APBA2: variants seen among roughly 807,000 people sequenced by gnomAD.
APBA2 encodes the protein amyloid beta precursor protein binding family A member 2, also known as amyloid-beta A4 precursor protein-binding family A member 2.
Under a neutral mutation model 75.0 loss-of-function variants are expected in APBA2, and 30 were observed. The ratio of observed to expected loss-of-function variants is 0.40; its 90% CI spans 0.30 to 0.54. The LOEUF (loss-of-function observed/expected upper bound fraction) is 0.54. Among genes scored for constraint, APBA2 ranks in the 20% least tolerant of loss-of-function variants. The probability of loss-of-function intolerance (pLI) is 0.49; values close to 1 mark genes in which losing one functional copy is unlikely to be tolerated. For missense variants in APBA2, 801 were observed against 1,016.1 expected (o/e 0.79, Z 2.88); for synonymous variants, 444 against 409.6 (o/e 1.08, Z -1.01).
At chr15:29,025,958 A>G (rs2040201382) in intron 3 of APBA2, among the ~76,000 whole-genome samples, 1 of 151,674 alleles carries the variant, frequency 6.6e-6, no homozygotes, top group South Asian at 2.1e-4. Flanking sequence ...CTCAAAAAAA[A>G]AAAAAAAGAA....
At chr15:28,998,902 T>G (rs2038691127) in intron 3 of APBA2, among the ~76,000 whole-genome samples, 1 of 152,252 alleles carries the variant, frequency 6.6e-6, no homozygotes, top group African/African-American at 2.4e-5. Flanking sequence ...ATCCCAGCAT[T>G]TTGGGAGGCC....
intron 3 of APBA2, among the ~76,000 whole-genome samples, chr15:29,033,647 C>T (rs1398170428): frequency 6.6e-6 from 1 of 152,058 alleles, no homozygotes; most frequent in Non-Finnish European, 1.5e-5. Context: ...CAAAAATTTA[C>T]AACCCAGAAC....
At chr15:28,926,690 G>A (rs1048150994) in intron 2 of APBA2, among the ~76,000 whole-genome samples, 1 of 151,724 alleles carries the variant, frequency 6.6e-6, no homozygotes, top group South Asian at 2.1e-4. Flanking sequence ...ATCTTTTAAC[G>A]TTTATTTCAG....
intron 4 of APBA2, among the ~76,000 whole-genome samples, chr15:29,056,636 C>CTCT (rs2041912273): frequency 2.1e-5 from 2 of 96,298 alleles, no homozygotes; most frequent in African/African-American, 1.0e-4. Context: ...CTCCCTCCCT[C>CTCT]CTCTCTCTCT....
chr15:28,983,479 T>G (rs2037732231), intron 2 of APBA2, among the ~76,000 whole-genome samples: 1 of 152,204 alleles, frequency 6.6e-6, no homozygotes, highest in Non-Finnish European at 1.5e-5. Context: ...TGCCAATACA[T>G]TATTTTCTAG....
intron 6 of APBA2, among the ~76,000 whole-genome samples, chr15:29,089,083 C>T (rs932826637): frequency 7.2e-5 from 11 of 152,208 alleles, no homozygotes; most frequent in Non-Finnish European, 1.0e-4. Flanking sequence ...CATAGCCTCC[C>T]TTTTGAGCAT....
At position 29,074,932 on chromosome 15, in the gene APBA2, T is replaced by C; in HGVS notation, c.963T>C (p.Gly321=). Residue 321 remains glycine, a synonymous_variant, in exon 5 of 15, where the codon GGT becomes GGC. Coordinates refer to ENST00000683413, the MANE Select transcript of APBA2 (RefSeq NM_001353788.2). The stretch of plus-strand genomic sequence containing the variant: ...TTCCCCGTTTCCAGGTTTGCAATGG[T>C]CTGGAGCAGCCAAGGAAGCAGCAGC... ...LKWPHEQVCN[G]LEQPRKQQRS... is the part of the protein sequence containing the mutation. 1 of 1,614,142 alleles carries C rather than the reference T, an allele frequency of 6.2e-7. No homozygotes were observed. Among genetic ancestry groups the C allele is most frequent in the Non-Finnish European group, 8.5e-7 (1 of 1,180,008 alleles).
At chr15:28,939,967 G>A (rs547351913) in intron 2 of APBA2, among the ~76,000 whole-genome samples, 5 of 152,306 alleles carry the variant, frequency 3.3e-5, no homozygotes, top group African/African-American at 4.8e-5. Flanking sequence ...GTGGCTGTGC[G>A]CTCCATCTCC....
chr15:29,064,696 G>T (rs939441497), intron 4 of APBA2, among the ~76,000 whole-genome samples: 102 of 152,272 alleles, frequency 6.7e-4, no homozygotes, highest in East Asian at 1.9e-4. Flanking sequence ...GAAGGCGAGG[G>T]ACATGGGTTG....
chr15:28,906,454 C>T lies in APBA2; in HGVS notation c.-204-15186C>T, dbSNP rs145020607. Among the ~76,000 whole-genome samples, 1,268 of 152,292 alleles carry T rather than the reference C, an allele frequency of 8.3e-3. 25 individuals carry two copies. Among genetic ancestry groups the T allele is most frequent in the African/African-American group, 0.029 (1,217 of 41,546 alleles). On this transcript the variant is annotated intron_variant, in intron 1 of 14. Transcript: ENST00000683413. ...TGGAAAATGCTGACATGTGGAGTCT[C>T]GTACATTAAACTCTTGTGTCTGCAT...
rs550169970 is a variant in APBA2, at chr15:29,107,216, G to A, written c.1917+397G>A. Among the ~76,000 whole-genome samples, 15 of 152,262 alleles carry A rather than the reference G, an allele frequency of 9.9e-5. No homozygotes were observed. The South Asian group carries it at 1.9e-3, about 19-fold the overall frequency. ...TCAGTGCTGGTGGGCTGGGGAGGTG[G>A]GGCACCCTGCATGGGTTGGGTTCTG... On this transcript the variant is annotated intron_variant, in intron 12 of 14. Transcript: ENST00000683413.
At position 29,054,304 on chromosome 15, in the gene APBA2, G is replaced by A; in HGVS notation, c.420G>A (p.Glu140=). 1.2e-6 allele frequency: 2 copies of A among 1,614,130 alleles called. No individual in the cohort carries two copies. The highest frequency in any genetic ancestry group is 1.7e-5 in the Admixed American group (1 of 60,028). The change falls in exon 4 of 15, where the codon GAG becomes GAA. Residue 140 remains glutamate (E), a synonymous_variant. Coordinates refer to ENST00000683413, the MANE Select transcript of APBA2 (RefSeq NM_001353788.2). This position sits in a 1 kb window ranked among gnomAD's most constrained non-coding sequence, Gnocchi z 6.1. Reference sequence around the variant, plus strand: ...ATGAGTGCCAGGAGGCGGTGGAGGAGTGGACGGACTCGGCGGGCCCGCACC... The same window carrying A: ...ATGAGTGCCAGGAGGCGGTGGAGGAATGGACGGACTCGGCGGGCCCGCACC... ...DTDECQEAVE[E]WTDSAGPHPH...
intron 2 of APBA2, among the ~76,000 whole-genome samples, chr15:28,974,528 A>G (rs935829282): frequency 1.3e-5 from 2 of 152,314 alleles, no homozygotes; most frequent in East Asian, 1.9e-4. Context: ...AAGTTGACAT[A>G]TATTAGCTTA....
intron 3 of APBA2, among the ~76,000 whole-genome samples, chr15:29,048,271 C>G (rs967013295): frequency 1.4e-4 from 21 of 152,040 alleles, no homozygotes; most frequent in African/African-American, 4.6e-4. Context: ...TCACTTTAAC[C>G]CAGGAGGCAG....
In APBA2 at chr15:29,117,140, CCAGCCTGGCCACG is replaced by C. The variant is rs762812661; in HGVS notation, c.*13_*25del. 2.0e-5 allele frequency: 32 copies of C among 1,612,768 alleles called. 1 individual carries two copies. The South Asian group carries it at 3.4e-4, about 17-fold the overall frequency. ...GACCCCGCTGTACATCTAGGCCACCCCAGCCTGGCCACGCAGCCAGGACACCGGGCAGGGCCGC... is the reference window on the plus strand; with the variant it reads ...GACCCCGCTGTACATCTAGGCCACCCCAGCCAGGACACCGGGCAGGGCCGC... On this transcript the variant is annotated 3_prime_UTR_variant, in exon 15 of 15. Transcript: ENST00000683413.
In APBA2 at chr15:29,072,542, G is replaced by A. The variant is rs550231892; in HGVS notation, c.952-2379G>A. ...GGTGAGGGGAAGAAACCTTGCAGGA[G>A]CGGTACCTGGGCCAGTCTCAGCCCT... On this transcript the variant is annotated intron_variant, in intron 4 of 14. Transcript: ENST00000683413. Among the ~76,000 whole-genome samples the A allele has an allele frequency of 2.0e-3, 308 of 152,244 alleles. 2 individuals carry two copies. The highest frequency in any genetic ancestry group is 7.2e-3 in the African/African-American group (300 of 41,528).
chr15:29,019,154 G>T lies in APBA2; in HGVS notation c.-41+23348G>T, dbSNP rs2039824877. 1.3e-5 allele frequency among the ~76,000 whole-genome samples: 2 copies of T among 152,148 alleles called. 1 individual carries two copies. Among genetic ancestry groups the T allele is most frequent in the South Asian group, 4.1e-4 (2 of 4,820 alleles). ...TGCTGCAGGCCGGCCCCTCACCCCTGGTGACTTGTGCTCTTGGAGTGAGGG... is the reference window on the plus strand; with the variant it reads ...TGCTGCAGGCCGGCCCCTCACCCCTTGTGACTTGTGCTCTTGGAGTGAGGG... On this transcript the variant is annotated intron_variant, in intron 3 of 14. Coordinates refer to ENST00000683413, the MANE Select transcript of APBA2 (RefSeq NM_001353788.2).
At chr15:28,922,346 GGCA>G (rs1381747994) in intron 2 of APBA2, among the ~76,000 whole-genome samples, 4 of 152,296 alleles carry the variant, frequency 2.6e-5, no homozygotes, top group East Asian at 3.9e-4. Context: ...CCTCCCCAGG[GGCA>G]GCAGCAGGGC....
In APBA2 at chr15:29,030,726, AGTAT is replaced by A. The variant is rs200091081; in HGVS notation, c.-40-23116_-40-23113del. 1.9e-4 allele frequency among the ~76,000 whole-genome samples: 23 copies of A among 123,806 alleles called. 1 individual carries two copies. Among genetic ancestry groups the A allele is most frequent in the East Asian group, 5.8e-4 (2 of 3,436 alleles). 81.2% of individuals were successfully genotyped at this position (123,806 alleles called of 152,430 possible). A position where few individuals can be genotyped will look rare whatever the true frequency, so the allele number is the denominator to read the frequency against. On this transcript the variant is annotated intron_variant, in intron 3 of 14. Coordinates refer to ENST00000683413, the MANE Select transcript of APBA2 (RefSeq NM_001353788.2). Reference sequence around the variant, plus strand: ...AGGCAGTTTTGGTTAAACCCATGTGAGTATGTGTGTGTGTGTGTGTGTGTGTGTG... The same window carrying A: ...AGGCAGTTTTGGTTAAACCCATGTGAGTGTGTGTGTGTGTGTGTGTGTGTG...
Sources: gnomAD v4.1 joint callset for allele counts (sites outside exome capture counted in the v4.1 genomes callset) on GRCh38, gnomAD v4.1.1 for gene constraint, Gnocchi (gnomAD v3.1) non-coding constraint, MANE v1.5 for transcripts, NCBI Gene and HGNC (gene_info 2026-07-23, HGNC 2026-07-21) for gene names.